Variants in SNAP25 observed in about 807,000 individuals in gnomAD.
The protein encoded by SNAP25 is synaptosome associated protein 25, also known as synaptosomal-associated protein 25.
A neutral mutation model predicts 28.7 loss-of-function variants in SNAP25; 3 were observed. The observed-to-expected ratio is 0.10, with a 90% CI of 0.05 to 0.27. SNAP25 has a LOEUF of 0.27. SNAP25 is among the 10% of genes least tolerant of loss of function. SNAP25 has a pLI of 1.00. For synonymous variants in SNAP25, 61 were observed against 88.1 expected, an observed-to-expected ratio of 0.69 and a Z score of 1.72; for missense variants, 117 against 278.7, an observed-to-expected ratio of 0.42 and a Z score of 4.13.
chr20:10,261,991 A>G (rs2063421398), intron 1 of SNAP25, among the ~76,000 whole-genome samples: 1 of 152,196 alleles, frequency 6.6e-6, no homozygotes, highest in South Asian at 2.1e-4. Flanking sequence ...CAACACAAAC[A>G]CCACTGATTC....
At chr20:10,240,358 T>C (rs548168509) in intron 1 of SNAP25, among the ~76,000 whole-genome samples, 1 of 152,334 alleles carries the variant, frequency 6.6e-6, no homozygotes, top group South Asian at 2.1e-4. Flanking sequence ...CTTTTTTACT[T>C]ATCTCAAAAT....
intron 1 of SNAP25, among the ~76,000 whole-genome samples, chr20:10,236,520 G>A (rs904754182): frequency 2.0e-5 from 3 of 152,054 alleles, no homozygotes; most frequent in Non-Finnish European, 4.4e-5. Flanking sequence ...CTCTCCAGAA[G>A]TGCCCTCTGT....
At chr20:10,247,553 T>C (rs1341392923) in intron 1 of SNAP25, among the ~76,000 whole-genome samples, 1 of 152,214 alleles carries the variant, frequency 6.6e-6, no homozygotes, top group Non-Finnish European at 1.5e-5. Context: ...CTTCCTTTTT[T>C]CCTCTTGGCC....
At chr20:10,269,184 T>C (rs2063552765) in intron 1 of SNAP25, among the ~76,000 whole-genome samples, 1 of 152,080 alleles carries the variant, frequency 6.6e-6, no homozygotes, top group Non-Finnish European at 1.5e-5. Context: ...TCAGGGCAGG[T>C]GGATCACTTG....
chr20:10,256,336 ATTAT>A (rs2063318289), intron 1 of SNAP25, among the ~76,000 whole-genome samples: 1 of 152,270 alleles, frequency 6.6e-6, no homozygotes, highest in Non-Finnish European at 1.5e-5. Flanking sequence ...GAAAGAATGA[ATTAT>A]TCAATAAATG....
At chr20:10,283,279 C>G (rs2063812302) in intron 3 of SNAP25, among the ~76,000 whole-genome samples, 1 of 152,240 alleles carries the variant, frequency 6.6e-6, no homozygotes, top group African/African-American at 2.4e-5. Context: ...GAGGTATTAA[C>G]TGTTGTCATT....
intron 1 of SNAP25, among the ~76,000 whole-genome samples, chr20:10,264,128 A>G (rs1298695912): frequency 1.3e-5 from 2 of 152,110 alleles, no homozygotes; most frequent in Non-Finnish European, 2.9e-5. Flanking sequence ...AGAAATGCCA[A>G]TGCTGGCTGC....
At chr20:10,279,484 G>C (rs1036112778) in intron 3 of SNAP25, among the ~76,000 whole-genome samples, 1 of 152,138 alleles carries the variant, frequency 6.6e-6, no homozygotes, top group Non-Finnish European at 1.5e-5. Flanking sequence ...TTGAAATGCT[G>C]CCTAGACTGT....
chr20:10,283,568 C>G (rs1459197948), intron 3 of SNAP25, among the ~76,000 whole-genome samples: 12 of 152,216 alleles, frequency 7.9e-5, no homozygotes, highest in Admixed American at 6.5e-4. Flanking sequence ...TAAAAGCTCA[C>G]AGAAATCATT....
At chr20:10,260,535 A>G (rs1296007734) in intron 1 of SNAP25, among the ~76,000 whole-genome samples, 1 of 152,124 alleles carries the variant, frequency 6.6e-6, no homozygotes, top group Non-Finnish European at 1.5e-5. Context: ...TTAGAAATGC[A>G]AATTGCTAGG....
chr20:10,248,291 A>G (rs1339036605), intron 1 of SNAP25, among the ~76,000 whole-genome samples: 1 of 152,190 alleles, frequency 6.6e-6, no homozygotes, highest in Non-Finnish European at 1.5e-5. Context: ...CCAACACCTC[A>G]TGTAATTTTG....
intron 1 of SNAP25, among the ~76,000 whole-genome samples, chr20:10,263,218 A>C (rs945248848): frequency 6.6e-6 from 1 of 151,466 alleles, no homozygotes; most frequent in Non-Finnish European, 1.5e-5. Context: ...ACGGGGTTTC[A>C]CTGGCTTAGC....
chr20:10,257,010 A>G (rs538180098), intron 1 of SNAP25, among the ~76,000 whole-genome samples: 1 of 152,320 alleles, frequency 6.6e-6, no homozygotes, highest in Non-Finnish European at 1.5e-5. Context: ...TTGATTCTAA[A>G]TAGTGCATTG....
In SNAP25 at chr20:10,277,738, C is replaced by T; in HGVS notation, c.114+12C>T. The T allele has an allele frequency of 6.2e-7, 1 of 1,612,380 alleles. No homozygotes were observed. Among genetic ancestry groups the T allele is most frequent in the South Asian group, 1.1e-5 (1 of 91,016 alleles). On this transcript the variant is annotated intron_variant, in intron 3 of 7. Transcript: ENST00000254976. ...AACTGGTTGAAGAGGTAAGAAGTGA[C>T]AGTATTTTAAGATAAAGGAACAAAT...
intron 3 of SNAP25, among the ~76,000 whole-genome samples, chr20:10,283,257 T>A (rs1312963952): frequency 6.6e-6 from 1 of 152,260 alleles, no homozygotes; most frequent in Non-Finnish European, 1.5e-5. Flanking sequence ...TTAACGCACA[T>A]ACTTCCTCAA....
At chr20:10,302,911 C>T (rs994983771) in intron 7 of SNAP25, among the ~76,000 whole-genome samples, 4 of 151,902 alleles carry the variant, frequency 2.6e-5, no homozygotes, top group South Asian at 2.1e-4. Flanking sequence ...CACAGATGCT[C>T]ATTGAACATA....
chr20:10,230,084 AC>A (rs1461568664), intron 1 of SNAP25, among the ~76,000 whole-genome samples: 1 of 152,000 alleles, frequency 6.6e-6, no homozygotes, highest in East Asian at 1.9e-4. Context: ...TCCCACCCAT[AC>A]CCCCAAGTGA....
intron 4 of SNAP25, among the ~76,000 whole-genome samples, chr20:10,285,985 A>C (rs2063869625): frequency 6.6e-6 from 1 of 152,212 alleles, no homozygotes; most frequent in Non-Finnish European, 1.5e-5. Context: ...TTAAAGAATA[A>C]TTTGAAAATA....
At chr20:10,284,036 G>C (rs1219552085) in intron 3 of SNAP25, among the ~76,000 whole-genome samples, 1 of 152,076 alleles carries the variant, frequency 6.6e-6, no homozygotes, top group Non-Finnish European at 1.5e-5. Context: ...AGCTTGTAAA[G>C]GAATTATTTT....
Sources: gnomAD v4.1 joint callset for allele counts (sites outside exome capture counted in the v4.1 genomes callset) on GRCh38, gnomAD v4.1.1 for gene constraint, MANE v1.5 for transcripts, NCBI Gene and HGNC (gene_info 2026-07-23, HGNC 2026-07-21) for gene names.